Variants in SPMAP2L observed in about 807,000 individuals in gnomAD.
The protein encoded by SPMAP2L is sperm microtubule associated protein 2-like.
the SPMAP2L span, among the ~76,000 whole-genome samples, chr4:56,590,185 T>C: frequency 6.6e-6 from 1 of 152,180 alleles, no homozygotes; most frequent in African/African-American, 2.4e-5. Context: ...TTATGTCCCT[T>C]GTATTTTGCT....
At chr4:56,567,416 AC>A in the SPMAP2L span, among the ~76,000 whole-genome samples, 2 of 140,972 alleles carry the variant, frequency 1.4e-5, no homozygotes, top group Non-Finnish European at 3.0e-5. Context: ...ACAGGTGCAC[AC>A]CACCACACCT....
At chr4:56,596,552 T>A in the SPMAP2L span, 41 of 1,533,656 alleles carry the variant, frequency 2.7e-5, no homozygotes, top group Middle Eastern at 2.5e-3. Flanking sequence ...ACTCCAAGAA[T>A]TATAGAGCTT....
At chr4:56,576,692 G>T in the SPMAP2L span, among the ~76,000 whole-genome samples, 2 of 152,134 alleles carry the variant, frequency 1.3e-5, no homozygotes, top group African/African-American at 4.8e-5. Flanking sequence ...TTCCCACAGG[G>T]TTTCCTCAAT....
the SPMAP2L span, among the ~76,000 whole-genome samples, chr4:56,542,615 C>T: frequency 2.6e-5 from 4 of 152,090 alleles, no homozygotes; most frequent in Non-Finnish European, 5.9e-5. Context: ...CAGGAAAATT[C>T]GGTAAAATAT....
chr4:56,546,285 A>G, the SPMAP2L span, among the ~76,000 whole-genome samples: 2 of 152,186 alleles, frequency 1.3e-5, no homozygotes, highest in African/African-American at 4.8e-5. Context: ...CAGAGAGCCT[A>G]AATAAACTTG....
chr4:56,598,949 C>G, the SPMAP2L span, among the ~76,000 whole-genome samples: 1 of 151,994 alleles, frequency 6.6e-6, no homozygotes, highest in Non-Finnish European at 1.5e-5. Context: ...AGGGGCTTCC[C>G]CCTTCGCTGG....
the SPMAP2L span, among the ~76,000 whole-genome samples, chr4:56,553,620 A>G: frequency 6.6e-6 from 1 of 151,932 alleles, no homozygotes; most frequent in African/African-American, 2.4e-5. Flanking sequence ...TTTTCCTACT[A>G]CTAACATCTT....
the SPMAP2L span, chr4:56,584,680 A>G: frequency 9.3e-7 from 1 of 1,075,522 alleles, no homozygotes; most frequent in Non-Finnish European, 1.4e-6. Flanking sequence ...CTCTTTTTCT[A>G]GATGTGTTTT....
chr4:56,533,355 C>G, the SPMAP2L span, among the ~76,000 whole-genome samples: 5 of 152,258 alleles, frequency 3.3e-5, no homozygotes, highest in South Asian at 6.2e-4. Context: ...CTTTCCTCCT[C>G]GCTCTTAGCT....
the SPMAP2L span, among the ~76,000 whole-genome samples, chr4:56,607,995 G>GAAAAAAA: frequency 8.7e-4 from 63 of 72,250 alleles, no homozygotes; most frequent in Non-Finnish European, 1.2e-3. Flanking sequence ...CCTGTCTCAA[G>GAAAAAAA]AAAAAAAAAA....
At chr4:56,594,945 G>A in the SPMAP2L span, 1 of 1,612,060 alleles carries the variant, frequency 6.2e-7, no homozygotes, top group South Asian at 1.1e-5. Flanking sequence ...CACAGAGGAG[G>A]TGGTCCTGGC....
chr4:56,622,809 G>A, the SPMAP2L span, among the ~76,000 whole-genome samples: 5,153 of 152,144 alleles, frequency 0.034, 244 homozygotes, highest in African/African-American at 0.11. Context: ...CATAAACTCA[G>A]GTGTATGAAA....
the SPMAP2L span, chr4:56,595,467 C>T: frequency 6.2e-7 from 1 of 1,600,282 alleles, no homozygotes; most frequent in Non-Finnish European, 8.6e-7. Context: ...AGGAGGGCCG[C>T]ATCGACCCCA....
the SPMAP2L span, among the ~76,000 whole-genome samples, chr4:56,588,243 G>A: frequency 0.69 from 105,068 of 151,670 alleles, 37,428 homozygotes; most frequent in African/African-American, 0.87. Flanking sequence ...GGATTGTGAA[G>A]ATTTTCTCCC....
At chr4:56,596,588 G>A in the SPMAP2L span, 1 of 1,533,186 alleles carries the variant, frequency 6.5e-7, no homozygotes, top group South Asian at 1.2e-5. Flanking sequence ...AAGTTAGAGG[G>A]TCTGTGCTAT....
At chr4:56,576,492 T>C in the SPMAP2L span, among the ~76,000 whole-genome samples, 1,043 of 152,288 alleles carry the variant, frequency 6.8e-3, 14 homozygotes, top group African/African-American at 0.024. Context: ...GACTAGCTAT[T>C]GGGTAATGGA....
the SPMAP2L span, among the ~76,000 whole-genome samples, chr4:56,569,047 A>T: frequency 6.6e-6 from 1 of 152,156 alleles, no homozygotes; most frequent in Non-Finnish European, 1.5e-5. Flanking sequence ...CATTTTATTT[A>T]TCGATTCATC....
chr4:56,530,916 T>C, the SPMAP2L span: 431,117 of 1,534,434 alleles, frequency 0.28, 66,787 homozygotes, highest in Admixed American at 0.53. Context: ...ATGAGCCTCA[T>C]GAGTCCTATG....
At chr4:56,587,308 C>A in the SPMAP2L span, among the ~76,000 whole-genome samples, 2 of 151,764 alleles carry the variant, frequency 1.3e-5, no homozygotes, top group African/African-American at 4.8e-5. Context: ...CTTCATTCAA[C>A]TTTTTTCTTT....
Sources: gnomAD v4.1 joint callset for allele counts (sites outside exome capture counted in the v4.1 genomes callset) on GRCh38, gnomAD v4.1.1 for gene constraint, MANE v1.5 for transcripts, NCBI Gene and HGNC (gene_info 2026-07-23, HGNC 2026-07-21) for gene names.